The following CCDC102B variants were observed in gnomAD, a reference collection of about 807,000 sequenced individuals.
The protein encoded by CCDC102B is coiled-coil domain-containing protein 102B.
In CCDC102B, 75 loss-of-function variants were observed where a neutral mutation model predicts 57.4. The observed-to-expected ratio is 1.31, with a 90% CI of 1.08 to 1.58. CCDC102B has a LOEUF of 1.58. Ranked by LOEUF, CCDC102B falls within the 40% of genes most tolerant of loss-of-function variation. The pLI is 0.00. For missense variants in CCDC102B, 636 were observed against 582.6 expected (o/e 1.09, Z -0.94); for synonymous variants, 206 against 201.9 (o/e 1.02, Z -0.17).
intron 2 of CCDC102B, among the ~76,000 whole-genome samples, chr18:68,756,395 A>G (rs545215503): frequency 6.6e-6 from 1 of 152,298 alleles, no homozygotes; most frequent in East Asian, 1.9e-4. Flanking sequence ...AATATAACAG[A>G]TAAGGAAGAG....
At chr18:69,035,969 A>G (rs2052280353) in intron 7 of CCDC102B, among the ~76,000 whole-genome samples, 1 of 152,118 alleles carries the variant, frequency 6.6e-6, no homozygotes, top group East Asian at 1.9e-4. Flanking sequence ...CTGGAGCAGA[A>G]TTGGAGCAGA....
In CCDC102B at chr18:68,736,416, G is replaced by A. The variant is rs1016000415; in HGVS notation, c.-67+19822G>A. ...GAATTAACGCTGAGTATGAGCTAACGTAAGAGCTTTATTATTTAAATTGTG... is the reference window on the plus strand; with the variant it reads ...GAATTAACGCTGAGTATGAGCTAACATAAGAGCTTTATTATTTAAATTGTG... On this transcript the variant is annotated intron_variant, in intron 2 of 3. Coordinates refer to the CCDC102B transcript ENST00000578970. Among the ~76,000 whole-genome samples, 16 of 152,172 alleles carry A rather than the reference G, an allele frequency of 1.1e-4. No individual in the cohort carries two copies. The East Asian group carries it at 2.1e-3, about 20-fold the overall frequency.
chr18:68,802,919 C>T (rs754891924), intron 1 of CCDC102B, among the ~76,000 whole-genome samples: 11 of 152,240 alleles, frequency 7.2e-5, no homozygotes, highest in Non-Finnish European at 1.0e-4. Context: ...CCACTTTCCA[C>T]GCTGTTTCAA....
intron 7 of CCDC102B, among the ~76,000 whole-genome samples, chr18:69,036,439 C>A (rs1372720922): frequency 6.6e-6 from 1 of 152,000 alleles, no homozygotes; most frequent in Non-Finnish European, 1.5e-5. Flanking sequence ...GCAATAGGAA[C>A]AAAGGAATTA....
chr18:68,722,693 G>A (rs1000846888), intron 2 of CCDC102B, among the ~76,000 whole-genome samples: 32 of 152,088 alleles, frequency 2.1e-4, no homozygotes, highest in African/African-American at 6.8e-4. Context: ...CAGAGTACCC[G>A]CCAGATCTTT....
chr18:68,941,046 A>G (rs991896344), intron 6 of CCDC102B, among the ~76,000 whole-genome samples: 3 of 151,630 alleles, frequency 2.0e-5, no homozygotes, highest in African/African-American at 4.8e-5. Context: ...ATTCTGAAAC[A>G]TAGGTAGAAG....
intron 4 of CCDC102B, among the ~76,000 whole-genome samples, chr18:68,858,750 A>G (rs1599582160): frequency 6.6e-6 from 1 of 152,176 alleles, no homozygotes; most frequent in Non-Finnish European, 1.5e-5. Context: ...TGCCACAGAG[A>G]AAGGGAGAAA....
chr18:68,872,448 A>ATCCCT (rs1410771018), intron 4 of CCDC102B, among the ~76,000 whole-genome samples: 1 of 152,130 alleles, frequency 6.6e-6, no homozygotes, highest in Non-Finnish European at 1.5e-5. Context: ...TACCTAGAGG[A>ATCCCT]TTATATTTTA....
chr18:68,770,311 G>C (rs2034598734), intron 2 of CCDC102B, among the ~76,000 whole-genome samples: 1 of 152,216 alleles, frequency 6.6e-6, no homozygotes, highest in Admixed American at 6.5e-5. Context: ...GTATCAGTCA[G>C]CTACTGCTGC....
intron 7 of CCDC102B, among the ~76,000 whole-genome samples, chr18:69,050,116 T>C (rs1337143349): frequency 6.6e-6 from 1 of 152,134 alleles, no homozygotes; most frequent in African/African-American, 2.4e-5. Context: ...GCCTTAAATC[T>C]GCATTTCTAA....
chr18:69,037,921 A>G (rs538640658), intron 7 of CCDC102B, among the ~76,000 whole-genome samples: 1 of 152,020 alleles, frequency 6.6e-6, no homozygotes, highest in Admixed American at 6.6e-5. Flanking sequence ...GAGAGATTGT[A>G]AAAGCCTTGA....
chr18:68,790,512 G>GT (rs1370075482), intron 2 of CCDC102B, among the ~76,000 whole-genome samples: 37 of 152,138 alleles, frequency 2.4e-4, no homozygotes, highest in Non-Finnish European at 5.0e-4. Context: ...TCCGAGCCAG[G>GT]GCGGGATATA....
intron 6 of CCDC102B, among the ~76,000 whole-genome samples, chr18:68,963,928 GTCT>G (rs1043105912): frequency 2.0e-5 from 3 of 151,950 alleles, no homozygotes; most frequent in Admixed American, 1.3e-4. Context: ...GTATATAAAT[GTCT>G]TCTTCTCCAT....
intron 2 of CCDC102B, among the ~76,000 whole-genome samples, chr18:68,784,417 C>T (rs1301759722): frequency 6.6e-6 from 1 of 152,068 alleles, no homozygotes; most frequent in Non-Finnish European, 1.5e-5. Flanking sequence ...GAAAGATCCA[C>T]CCCCATGATC....
At chr18:68,817,269 A>G (rs777351679) in intron 1 of CCDC102B, among the ~76,000 whole-genome samples, 2 of 152,240 alleles carry the variant, frequency 1.3e-5, no homozygotes, top group Non-Finnish European at 2.9e-5. Flanking sequence ...TAGATTTCAT[A>G]CAACAGAACT....
chr18:68,920,709 C>T (rs2041248068), intron 6 of CCDC102B, among the ~76,000 whole-genome samples: 1 of 152,118 alleles, frequency 6.6e-6, no homozygotes, highest in African/African-American at 2.4e-5. Context: ...GAGAAGCAGG[C>T]ACCTTTCTCA....
intron 2 of CCDC102B, among the ~76,000 whole-genome samples, chr18:68,726,814 A>T (rs919314629): frequency 3.9e-5 from 6 of 152,172 alleles, no homozygotes; most frequent in Non-Finnish European, 5.9e-5. Context: ...GAGTCAAGCT[A>T]AAAGCAGCTT....
At chr18:68,939,943 T>A (rs1363782268) in intron 6 of CCDC102B, among the ~76,000 whole-genome samples, 1 of 151,842 alleles carries the variant, frequency 6.6e-6, no homozygotes, top group Non-Finnish European at 1.5e-5. Context: ...TTTTGCCTGC[T>A]ACAAAATACA....
intron 2 of CCDC102B, chr18:68,721,217 A>G (rs1021798622): frequency 1.3e-5 from 2 of 152,246 alleles, no homozygotes; most frequent in African/African-American, 4.8e-5. Context: ...TACATGTGCA[A>G]ACAAGAACAC....
Sources: gnomAD v4.1 joint callset for allele counts (sites outside exome capture counted in the v4.1 genomes callset) on GRCh38, gnomAD v4.1.1 for gene constraint, MANE v1.5 for transcripts, NCBI Gene and HGNC (gene_info 2026-07-23, HGNC 2026-07-21) for gene names.